PHEX: variants seen among roughly 807,000 people sequenced by gnomAD.
PHEX encodes phosphate regulating endopeptidase X-linked.
In PHEX, 16 loss-of-function variants were observed where a neutral mutation model predicts 68.0. The observed-to-expected ratio is 0.24, with a 90% CI of 0.16 to 0.36. The LOEUF (loss-of-function observed/expected upper bound fraction) is 0.36, where lower values mean the gene tolerates loss of function less well. PHEX is among the 10% of genes least tolerant of loss of function. The pLI is 1.00. For missense variants in PHEX, 480 were observed against 575.5 expected (o/e 0.83, Z 1.70); for synonymous variants, 208 against 205.1 (o/e 1.01, Z -0.12).
At position 22,210,292 on chromosome X, in the gene PHEX, G is replaced by A. The variant is rs778346094; in HGVS notation, c.1646-2612G>A. 1.6e-3 allele frequency among the ~76,000 whole-genome samples: 176 copies of A among 112,205 alleles called. 1 individual carries two copies. Among genetic ancestry groups the A allele is most frequent in the African/African-American group, 5.2e-3 (162 of 30,916 alleles). ...ATACAGCTGAACAGAGTGATGTGTG[G>A]TGGCTTCAACTCTTGAGTCTGGGGC... On this transcript the variant is annotated intron_variant, in intron 15 of 21. Transcript: ENST00000379374.
intron 1 of PHEX, among the ~76,000 whole-genome samples, chrX:22,036,419 A>G (rs1927024478): frequency 9.0e-6 from 1 of 111,113 alleles, no homozygotes; most frequent in Non-Finnish European, 1.9e-5. Flanking sequence ...ACCTGATTTT[A>G]CTTCTTCCTT....
chrX:22,142,357 G>A (rs1444624845), intron 12 of PHEX, among the ~76,000 whole-genome samples: 1 of 112,212 alleles, frequency 8.9e-6, no homozygotes, highest in East Asian at 2.8e-4. Context: ...AGGTTGTGCT[G>A]TTATAGTTAT....
chrX:22,176,512 CATA>C (rs1300077936), intron 13 of PHEX, among the ~76,000 whole-genome samples: 1 of 107,748 alleles, frequency 9.3e-6, no homozygotes, highest in Admixed American at 1.0e-4. Context: ...TATTTTAACA[CATA>C]GTAAACATAT....
chrX:22,168,554 C>T (rs1438796063), intron 13 of PHEX, among the ~76,000 whole-genome samples, 165 bp downstream of exon 13: 1 of 111,467 alleles, frequency 9.0e-6, no homozygotes, highest in African/African-American at 3.3e-5. Context: ...AGGCAGATCA[C>T]AAGATTTAGG....
chrX:22,242,207 G>A (rs986452764), intron 20 of PHEX, among the ~76,000 whole-genome samples: 8 of 111,780 alleles, frequency 7.2e-5, no homozygotes, highest in Non-Finnish European at 1.5e-4. Context: ...TGCAGAAAAG[G>A]CATTTGACAA....
At chrX:22,052,007 A>G (rs190209561) in intron 3 of PHEX, among the ~76,000 whole-genome samples, 20 of 111,533 alleles carry the variant, frequency 1.8e-4, no homozygotes, top group African/African-American at 6.5e-4. Flanking sequence ...TTCTATATCT[A>G]TCTATTTATG....
Position 22,178,323 on chromosome X carries a change from G to A in PHEX, c.1533G>A (p.Lys511=). ...DYFGNVLQTR[K]YLAQSDFFWL... is the part of the protein sequence containing the mutation. ...TTGGCAACGTCCTACAAACTCGCAA[G>A]TATTTAGCACAGTCTGATTTCTTCT... Residue 511 remains lysine (K), a synonymous_variant, in exon 14 of 22, where the codon AAG becomes AAA. Transcript: ENST00000379374. 8 of 1,205,245 alleles carry A rather than the reference G, an allele frequency of 6.6e-6. No homozygotes were observed. Among genetic ancestry groups the A allele is most frequent in the Non-Finnish European group, 9.0e-6 (8 of 890,587 alleles).
chrX:22,113,900 A>G (rs1021944561), intron 10 of PHEX, among the ~76,000 whole-genome samples: 1 of 106,155 alleles, frequency 9.4e-6, no homozygotes, highest in Non-Finnish European at 1.9e-5. Context: ...GAAAGGATAC[A>G]TATATTATTT....
intron 12 of PHEX, among the ~76,000 whole-genome samples, chrX:22,159,927 C>G (rs7883038): frequency 0.45 from 49,690 of 110,950 alleles, 8,881 homozygotes; most frequent in East Asian, 0.76. Flanking sequence ...GAAAATTCAG[C>G]TATTGCTAAT....
chrX:22,131,206 AT>A (rs774672262), intron 11 of PHEX, among the ~76,000 whole-genome samples: 19 of 109,172 alleles, frequency 1.7e-4, no homozygotes, highest in Non-Finnish European at 3.0e-4. Flanking sequence ...CACCCAGCTA[AT>A]TTTTTGTATT....
At chrX:22,246,820 G>A (rs921806160) in intron 21 of PHEX, among the ~76,000 whole-genome samples, 3 of 111,965 alleles carry the variant, frequency 2.7e-5, no homozygotes, top group Non-Finnish European at 3.8e-5. Context: ...GCAAATGCCC[G>A]TAGGTAACAA....
At chrX:22,129,196 C>T (rs894100901) in intron 11 of PHEX, among the ~76,000 whole-genome samples, 1 of 110,912 alleles carries the variant, frequency 9.0e-6, no homozygotes, top group Non-Finnish European at 1.9e-5. Flanking sequence ...ATTCACATCC[C>T]GGGCCAGACA....
intron 12 of PHEX, among the ~76,000 whole-genome samples, chrX:22,159,869 A>C (rs912160203): frequency 8.9e-6 from 1 of 112,484 alleles, no homozygotes; most frequent in African/African-American, 3.2e-5. Flanking sequence ...TTAGAACTAA[A>C]TGTATCCATA....
intron 3 of PHEX, among the ~76,000 whole-genome samples, chrX:22,050,448 G>A (rs936485043): frequency 1.8e-5 from 2 of 109,526 alleles, no homozygotes; most frequent in African/African-American, 6.7e-5. Flanking sequence ...ACGCATGGTG[G>A]AAATCCCAGC....
chrX:22,213,098 T>G, intron 16 of PHEX, 140 bp downstream of exon 16: 1 of 526,356 alleles, frequency 1.9e-6, no homozygotes, highest in Non-Finnish European at 3.4e-6. Context: ...TGTACTCTTA[T>G]CATTTTAGGT....
chrX:22,109,715 C>T (rs1930870321), intron 9 of PHEX, among the ~76,000 whole-genome samples: 1 of 111,808 alleles, frequency 8.9e-6, no homozygotes, highest in African/African-American at 3.3e-5. Flanking sequence ...AAAGATCCAT[C>T]ATCACTATTG....
chrX:22,191,953 A>G (rs1198744013), intron 15 of PHEX, among the ~76,000 whole-genome samples: 1 of 112,506 alleles, frequency 8.9e-6, no homozygotes, highest in Non-Finnish European at 1.9e-5. Context: ...ATGATACTAT[A>G]TAAATAAAGT....
intron 4 of PHEX, among the ~76,000 whole-genome samples, chrX:22,077,178 A>G (rs1005144272): frequency 8.9e-6 from 1 of 111,893 alleles, no homozygotes. Context: ...AGTATTATTC[A>G]TTGGCTGGGT....
intron 11 of PHEX, among the ~76,000 whole-genome samples, chrX:22,131,376 T>C (rs1173500252): frequency 3.5e-5 from 4 of 112,784 alleles, no homozygotes. Flanking sequence ...AAGATTCTAA[T>C]GGGCAGACAA....
Sources: gnomAD v4.1 joint callset for allele counts (sites outside exome capture counted in the v4.1 genomes callset) on GRCh38, gnomAD v4.1.1 for gene constraint, MANE v1.5 for transcripts, NCBI Gene and HGNC (gene_info 2026-07-23, HGNC 2026-07-21) for gene names.